The following SCRG1 variants were observed in gnomAD, a reference collection of about 807,000 sequenced individuals.
SCRG1 encodes stimulator of chondrogenesis 1.
In SCRG1, 3 loss-of-function variants were observed where a neutral mutation model predicts 7.7. The observed-to-expected ratio is 0.39, with a 90% confidence interval of 0.18 to 1.01. The LOEUF (loss-of-function observed/expected upper bound fraction) is 1.01. SCRG1 is among the 50% of genes least tolerant of loss of function. SCRG1 has a pLI of 0.36. For missense variants in SCRG1, 110 were observed against 117.2 expected, an observed-to-expected ratio of 0.94 and a Z score of 0.28; for synonymous variants, 46 against 41.2, an observed-to-expected ratio of 1.12 and a Z score of -0.44.
the SCRG1 span, among the ~76,000 whole-genome samples, chr4:173,465,412 T>A: frequency 6.6e-6 from 1 of 152,106 alleles, no homozygotes; most frequent in Admixed American, 6.6e-5. Flanking sequence ...ATAAATAAAT[T>A]GTAGTATACA....
the SCRG1 span, among the ~76,000 whole-genome samples, chr4:173,421,874 A>G: frequency 6.6e-6 from 1 of 152,176 alleles, no homozygotes; most frequent in Non-Finnish European, 1.5e-5. Context: ...CAGAAGTAAA[A>G]TAGGATTTCT....
the SCRG1 span, among the ~76,000 whole-genome samples, chr4:173,414,951 T>G: frequency 5.9e-5 from 9 of 152,244 alleles, no homozygotes; most frequent in Admixed American, 3.9e-4. Context: ...AGTTTTTGCC[T>G]GTCTCCAGAA....
chr4:173,491,399 A>G, the SCRG1 span, among the ~76,000 whole-genome samples: 31 of 152,178 alleles, frequency 2.0e-4, no homozygotes, highest in South Asian at 6.4e-3. Flanking sequence ...TTCACTGCTG[A>G]GTGCCAGTCA....
the SCRG1 span, among the ~76,000 whole-genome samples, chr4:173,507,369 C>T: frequency 3.9e-5 from 6 of 152,162 alleles, no homozygotes; most frequent in Non-Finnish European, 8.8e-5. This position sits in a 1 kb window ranked among gnomAD's most constrained non-coding sequence, Gnocchi z 4.4. Flanking sequence ...GCCACCACGC[C>T]CGGCTAATTT....
chr4:173,428,576 A>G, the SCRG1 span, among the ~76,000 whole-genome samples: 2 of 152,214 alleles, frequency 1.3e-5, no homozygotes, highest in African/African-American at 4.8e-5. Flanking sequence ...ATGCATGAAA[A>G]AGAGGGGAGC....
the SCRG1 span, among the ~76,000 whole-genome samples, chr4:173,432,558 A>G: frequency 6.6e-6 from 1 of 151,952 alleles, no homozygotes. Context: ...TATCTGCTGA[A>G]TGCTGGCCTC....
chr4:173,416,414 C>T, the SCRG1 span, among the ~76,000 whole-genome samples: 1 of 152,268 alleles, frequency 6.6e-6, no homozygotes. Flanking sequence ...TACAGCACAG[C>T]TCCGATGATC....
At chr4:173,502,778 C>A in the SCRG1 span, among the ~76,000 whole-genome samples, 1 of 152,204 alleles carries the variant, frequency 6.6e-6, no homozygotes, top group African/African-American at 2.4e-5. The surrounding 1 kb of genome is among the most constrained non-coding windows in gnomAD (Gnocchi z 4.6). Flanking sequence ...ATCCTCCCCA[C>A]AAGGTCCAAA....
the SCRG1 span, among the ~76,000 whole-genome samples, chr4:173,476,888 C>T: frequency 2.6e-5 from 4 of 152,050 alleles, no homozygotes; most frequent in Admixed American, 6.6e-5. Context: ...CTCTAAGCTA[C>T]CCTAATGCTT....
chr4:173,476,354 G>GAAA, the SCRG1 span, among the ~76,000 whole-genome samples: 44 of 70,118 alleles, frequency 6.3e-4, 2 homozygotes, highest in Middle Eastern at 5.7e-3. Context: ...CTCTGAGGGG[G>GAAA]AAAAAAAAAA....
chr4:173,508,649 G>A, the SCRG1 span, among the ~76,000 whole-genome samples: 1 of 152,170 alleles, frequency 6.6e-6, no homozygotes, highest in Non-Finnish European at 1.5e-5. This position sits in a 1 kb window ranked among gnomAD's most constrained non-coding sequence, Gnocchi z 4.4. Flanking sequence ...ACTAGAGAAG[G>A]CCTGCCGCCC....
chr4:173,488,673 G>C, the SCRG1 span, among the ~76,000 whole-genome samples: 1 of 151,970 alleles, frequency 6.6e-6, no homozygotes, highest in African/African-American at 2.4e-5. Flanking sequence ...GGCCCTTTTG[G>C]GATGAAATAC....
the SCRG1 span, among the ~76,000 whole-genome samples, chr4:173,485,024 ATATATTATATATT>A: frequency 4.9e-5 from 1 of 20,582 alleles, no homozygotes; most frequent in Non-Finnish European, 7.2e-5. Context: ...ATAATATATA[ATATATTATATATT>A]ATATATTATA....
At chr4:173,412,326 C>T in the SCRG1 span, among the ~76,000 whole-genome samples, 4 of 152,236 alleles carry the variant, frequency 2.6e-5, no homozygotes, top group Admixed American at 1.3e-4. Flanking sequence ...CCGCAAATCT[C>T]AAGGCCATCT....
At chr4:173,451,630 CTTATTTTATTTATTTATTTAT>C in the SCRG1 span, among the ~76,000 whole-genome samples, 283 of 50,024 alleles carry the variant, frequency 5.7e-3, 2 homozygotes, top group African/African-American at 0.011. Context: ...ATTTTACTTA[CTTATTTTATTTATTTATTTAT>C]TTATTTATTT....
chr4:173,392,944 A>T (rs1453527096), intron 1 of SCRG1, among the ~76,000 whole-genome samples: 1 of 152,194 alleles, frequency 6.6e-6, no homozygotes, highest in Non-Finnish European at 1.5e-5. Context: ...TACAAAAAGT[A>T]GCCAGGCATG....
rs1440190806 is a variant in SCRG1, at chr4:173,386,933, G to A, written c.*1408C>T. On this transcript the variant is annotated 3_prime_UTR_variant, in exon 3 of 3. Coordinates refer to ENST00000296506, the MANE Select transcript of SCRG1 (RefSeq NM_007281.4). Reference sequence around the variant, plus strand: ...GGCTTTGAATACATTTTTATAACATGAAAGACTTTCTGACATTACCTCTGA... The same window carrying A: ...GGCTTTGAATACATTTTTATAACATAAAAGACTTTCTGACATTACCTCTGA... The A allele has an allele frequency of 6.6e-6, 1 of 152,128 alleles. No individual in the cohort carries two copies. Among genetic ancestry groups the A allele is most frequent in the Non-Finnish European group, 1.5e-5 (1 of 68,020 alleles). 9.4% of individuals were successfully genotyped at this position (152,128 alleles called of 1,614,324 possible).
chr4:173,421,588 T>A, the SCRG1 span, among the ~76,000 whole-genome samples: 1 of 152,230 alleles, frequency 6.6e-6, no homozygotes, highest in Non-Finnish European at 1.5e-5. Context: ...ATTCTGGTCC[T>A]GCTCTGAAAA....
chr4:173,451,311 T>C, the SCRG1 span, among the ~76,000 whole-genome samples: 1 of 151,300 alleles, frequency 6.6e-6, no homozygotes, highest in Non-Finnish European at 1.5e-5. Context: ...AGTTTAGTTA[T>C]TGAACCAGGA....
Sources: allele counts gnomAD v4.1 joint callset (sites outside exome capture counted in the v4.1 genomes callset), GRCh38; gene constraint gnomAD v4.1.1; non-coding constraint Gnocchi (gnomAD v3.1); transcripts MANE v1.5; gene names NCBI Gene and HGNC (gene_info 2026-07-23, HGNC 2026-07-21).